FRMD4A: variants seen among roughly 807,000 people sequenced by gnomAD.
FRMD4A encodes FERM domain-containing protein 4A.
In FRMD4A, 29 loss-of-function variants were observed where a neutral mutation model predicts 129.1. The observed-to-expected ratio is 0.22, with a 90% confidence interval of 0.17 to 0.31. The LOEUF is 0.31. Among genes scored for constraint, FRMD4A ranks in the 10% least tolerant of loss-of-function variants. The pLI is 1.00. For missense variants in FRMD4A, 1,272 were observed against 1,375.8 expected, an observed-to-expected ratio of 0.92 and a Z score of 1.19; for synonymous variants, 634 against 571.6, an observed-to-expected ratio of 1.11 and a Z score of -1.56.
At chr10:13,801,399 G>A (rs528634020) in intron 4 of FRMD4A, among the ~76,000 whole-genome samples, 1 of 152,316 alleles carries the variant, frequency 6.6e-6, no homozygotes, top group East Asian at 1.9e-4. Context: ...GCTTGAACTC[G>A]TCCACTCCAA....
At chr10:13,975,041 G>A (rs773571568) in intron 2 of FRMD4A, among the ~76,000 whole-genome samples, 1 of 151,740 alleles carries the variant, frequency 6.6e-6, no homozygotes, top group African/African-American at 2.4e-5. Flanking sequence ...GAGTATGCAT[G>A]TGCGTGTCTC....
intron 2 of FRMD4A, among the ~76,000 whole-genome samples, chr10:14,120,294 T>C (rs762031819): frequency 1.3e-5 from 2 of 152,122 alleles, no homozygotes; most frequent in African/African-American, 2.4e-5. Flanking sequence ...GCCTAGTTTA[T>C]TTCTTTCTTA....
At chr10:14,024,948 C>A (rs1452731863) in intron 2 of FRMD4A, among the ~76,000 whole-genome samples, 1 of 152,216 alleles carries the variant, frequency 6.6e-6, no homozygotes, top group Non-Finnish European at 1.5e-5. Context: ...CAGTGGGTCC[C>A]ACAGAAGTTG....
At chr10:13,867,818 T>C (rs2094392386) in intron 2 of FRMD4A, among the ~76,000 whole-genome samples, 1 of 136,320 alleles carries the variant, frequency 7.3e-6, no homozygotes, top group Non-Finnish European at 1.5e-5. Flanking sequence ...TAATACATAA[T>C]ATAATATATA....
intron 2 of FRMD4A, among the ~76,000 whole-genome samples, chr10:13,964,675 T>C (rs1428480864): frequency 1.0e-3 from 8 of 7,816 alleles, no homozygotes; most frequent in Middle Eastern, 0.062. Context: ...TCTTCTTTTG[T>C]TTTTTTTTTT....
intron 18 of FRMD4A, among the ~76,000 whole-genome samples, chr10:13,663,779 C>T (rs1046100428): frequency 4.6e-5 from 7 of 152,178 alleles, no homozygotes; most frequent in Non-Finnish European, 5.9e-5. Flanking sequence ...TACTGCAATG[C>T]AGAGTGGCTT....
At chr10:13,824,465 G>A (rs777331184) in intron 3 of FRMD4A, among the ~76,000 whole-genome samples, 27 of 151,276 alleles carry the variant, frequency 1.8e-4, no homozygotes, top group Non-Finnish European at 3.2e-4. Flanking sequence ...ACTCCAGCCC[G>A]GGTGACAGAG....
intron 13 of FRMD4A, 45 bp downstream of exon 13, chr10:13,706,992 C>G: frequency 1.0e-6 from 1 of 998,456 alleles, no homozygotes; most frequent in South Asian, 1.3e-5. Context: ...ACACGCCCGG[C>G]CGAGAGCCAC....
chr10:13,824,701 T>C (rs7918222), intron 3 of FRMD4A, among the ~76,000 whole-genome samples: 22,979 of 151,720 alleles, frequency 0.15, 1,979 homozygotes, highest in South Asian at 0.32. Flanking sequence ...GAGACCAGCC[T>C]GACCAAAATG....
intron 6 of FRMD4A, among the ~76,000 whole-genome samples, chr10:13,764,595 A>G (rs2092212517): frequency 6.6e-6 from 1 of 152,162 alleles, no homozygotes; most frequent in African/African-American, 2.4e-5. Context: ...TAAACTTCTA[A>G]GTCTTCTAAG....
chr10:13,770,916 T>C (rs559405698), intron 6 of FRMD4A, among the ~76,000 whole-genome samples: 1 of 152,308 alleles, frequency 6.6e-6, no homozygotes, highest in South Asian at 2.1e-4. Flanking sequence ...TAGAATGTGA[T>C]TCTGGGCTTT....
At chr10:14,278,781 T>C (rs971434380) in intron 2 of FRMD4A, among the ~76,000 whole-genome samples, 31 of 152,150 alleles carry the variant, frequency 2.0e-4, no homozygotes, top group African/African-American at 7.2e-4. Context: ...AATGAAGCCA[T>C]CGATTTCTTC....
chr10:14,302,312 C>T (rs1313815176), intron 2 of FRMD4A, among the ~76,000 whole-genome samples: 1 of 152,126 alleles, frequency 6.6e-6, no homozygotes, highest in African/African-American at 2.4e-5. Flanking sequence ...AAATATCAAG[C>T]AGAGCCAAGC....
intron 2 of FRMD4A, among the ~76,000 whole-genome samples, chr10:14,310,346 A>T (rs1448707525): frequency 6.6e-6 from 1 of 152,222 alleles, no homozygotes; most frequent in Non-Finnish European, 1.5e-5. Context: ...GCTAGAAAGA[A>T]ATTATTTAGG....
intron 2 of FRMD4A, among the ~76,000 whole-genome samples, chr10:13,883,798 G>T (rs1194382092): frequency 6.6e-6 from 1 of 152,080 alleles, no homozygotes; most frequent in Admixed American, 6.6e-5. Flanking sequence ...ATGGCCATAC[G>T]CTGTCCCTTA....
At chr10:13,653,032 C>T (rs1394647838) in intron 23 of FRMD4A, 1 of 151,634 alleles carries the variant, frequency 6.6e-6, no homozygotes, top group Non-Finnish European at 1.5e-5. Context: ...TTCCTCTGAG[C>T]CTCATCTATG....
chr10:13,867,405 C>T (rs553150933), intron 2 of FRMD4A, among the ~76,000 whole-genome samples: 17 of 151,172 alleles, frequency 1.1e-4, no homozygotes, highest in East Asian at 1.9e-4. Flanking sequence ...GGATTACAGA[C>T]GCAAATCTCC....
chr10:14,217,895 A>G (rs938986492), intron 2 of FRMD4A, among the ~76,000 whole-genome samples: 3 of 151,624 alleles, frequency 2.0e-5, no homozygotes, highest in Admixed American at 6.6e-5. Flanking sequence ...CAGTGGCACT[A>G]TCTCAGCTCA....
intron 9 of FRMD4A, among the ~76,000 whole-genome samples, chr10:13,743,406 C>G (rs553050947): frequency 6.6e-6 from 1 of 152,118 alleles, no homozygotes; most frequent in Non-Finnish European, 1.5e-5. Flanking sequence ...AAGTCGACTC[C>G]TAGATCCAGG....
Sources: allele counts gnomAD v4.1 joint callset (sites outside exome capture counted in the v4.1 genomes callset), GRCh38; gene constraint gnomAD v4.1.1; transcripts MANE v1.5; gene names NCBI Gene and HGNC (gene_info 2026-07-23, HGNC 2026-07-21).